The following TMEM132D variants were observed in gnomAD, a reference collection of about 807,000 sequenced individuals.
TMEM132D encodes mature OL transmembrane protein.
A neutral mutation model predicts 62.3 loss-of-function variants in TMEM132D; 21 were observed. The observed-to-expected ratio is 0.34, with a 90% CI of 0.24 to 0.49. The LOEUF (loss-of-function observed/expected upper bound fraction) is 0.49, where lower values mean the gene tolerates loss of function less well. Ranked by LOEUF, TMEM132D falls within the 20% of genes least tolerant of loss-of-function variation. The pLI, the probability that TMEM132D is intolerant of heterozygous loss-of-function variation, is 0.99. For missense variants in TMEM132D, 1,346 were observed against 1,402.8 expected, an observed-to-expected ratio of 0.96 and a Z score of 0.65; for synonymous variants, 621 against 575.6, an observed-to-expected ratio of 1.08 and a Z score of -1.13.
rs532053145 is a variant in TMEM132D, at chr12:129,458,278, C to A, written c.1115+72781G>T. On this transcript the variant is annotated intron_variant, in intron 3 of 8. Coordinates refer to ENST00000422113, the MANE Select transcript of TMEM132D (RefSeq NM_133448.3). Reference sequence around the variant, plus strand: ...AAAAGGAGCAAAAGTCTCAGCTGGGCTACTAATCTTTGGGTGTAAGTCCTC... The same window carrying A: ...AAAAGGAGCAAAAGTCTCAGCTGGGATACTAATCTTTGGGTGTAAGTCCTC... Among the ~76,000 whole-genome samples the A allele has an allele frequency of 2.7e-4, 41 of 152,268 alleles. 1 individual carries two copies. Among genetic ancestry groups the A allele is most frequent in the African/African-American group, 9.6e-4 (40 of 41,562 alleles).
At chr12:129,853,276 G>C (rs908097411) in intron 1 of TMEM132D, 1 of 152,240 alleles carries the variant, frequency 6.6e-6, no homozygotes, top group African/African-American at 2.4e-5. Flanking sequence ...TCTAGATGAG[G>C]AGAATGGTTT....
chr12:129,642,132 C>T (rs12319987), intron 2 of TMEM132D, among the ~76,000 whole-genome samples: 2 of 152,026 alleles, frequency 1.3e-5, no homozygotes, highest in Non-Finnish European at 2.9e-5. Flanking sequence ...GGAAGTCTAA[C>T]GGAAGGGGCC....
intron 3 of TMEM132D, among the ~76,000 whole-genome samples, chr12:129,338,466 C>T (rs1869362876): frequency 6.6e-6 from 1 of 152,106 alleles, no homozygotes; most frequent in Non-Finnish European, 1.5e-5. Context: ...ACAAATCCAC[C>T]TAGGACTTTC....
intron 1 of TMEM132D, among the ~76,000 whole-genome samples, chr12:129,746,467 C>G (rs181281369): frequency 1.3e-3 from 204 of 152,216 alleles, no homozygotes; most frequent in Middle Eastern, 3.4e-3. Context: ...AGGATATCAT[C>G]AGATTTAAAA....
intron 4 of TMEM132D, chr12:129,211,817 T>C (rs1256739614): frequency 6.6e-6 from 1 of 152,204 alleles, no homozygotes; most frequent in Non-Finnish European, 1.5e-5. Flanking sequence ...TTTACTTTAA[T>C]TCGAATAAAA....
chr12:129,393,466 C>G (rs1233803192), intron 3 of TMEM132D, among the ~76,000 whole-genome samples: 1 of 152,118 alleles, frequency 6.6e-6, no homozygotes, highest in Non-Finnish European at 1.5e-5. Flanking sequence ...AAGGTGGTGG[C>G]TGAGAGTGCG....
At chr12:129,720,964 G>T (rs954306692) in intron 1 of TMEM132D, among the ~76,000 whole-genome samples, 1 of 152,238 alleles carries the variant, frequency 6.6e-6, no homozygotes, top group African/African-American at 2.4e-5. Context: ...CTGACAGCCA[G>T]GTCATGGCTT....
At chr12:129,599,011 G>T (rs899127986) in intron 2 of TMEM132D, among the ~76,000 whole-genome samples, 6 of 152,168 alleles carry the variant, frequency 3.9e-5, no homozygotes, top group Non-Finnish European at 7.3e-5. Flanking sequence ...GAAGGAGTTT[G>T]GAGAGAATCT....
chr12:129,832,026 T>G (rs1016376982), intron 1 of TMEM132D, among the ~76,000 whole-genome samples: 2 of 134,394 alleles, frequency 1.5e-5, no homozygotes, highest in African/African-American at 5.4e-5. Context: ...CCTGCCACCA[T>G]GCCCGGCTCT....
intron 1 of TMEM132D, among the ~76,000 whole-genome samples, chr12:129,766,939 T>C (rs1870572810): frequency 6.6e-6 from 1 of 152,170 alleles, no homozygotes; most frequent in Non-Finnish European, 1.5e-5. Context: ...TTCCAGCTAA[T>C]ACAGATTAGC....
At chr12:129,265,097 A>G (rs1326877871) in intron 4 of TMEM132D, among the ~76,000 whole-genome samples, 2 of 152,312 alleles carry the variant, frequency 1.3e-5, no homozygotes, top group African/African-American at 4.8e-5. Context: ...CTTTTCTTTC[A>G]TAATGGTTCC....
At chr12:129,437,416 T>A (rs900510086) in intron 3 of TMEM132D, among the ~76,000 whole-genome samples, 3 of 152,212 alleles carry the variant, frequency 2.0e-5, no homozygotes, top group Admixed American at 6.5e-5. Flanking sequence ...TATAACAGCC[T>A]ATTTAAGCAC....
chr12:129,677,100 T>C (rs1403617986), intron 2 of TMEM132D, among the ~76,000 whole-genome samples: 2 of 152,222 alleles, frequency 1.3e-5, no homozygotes, highest in Non-Finnish European at 1.5e-5. Flanking sequence ...CTTCTGGCAT[T>C]GAATGACAGT....
chr12:129,398,837 TCCA>T (rs541193726), intron 3 of TMEM132D, among the ~76,000 whole-genome samples: 53,589 of 122,336 alleles, frequency 0.44, 10,346 homozygotes, highest in Non-Finnish European at 0.46. Context: ...TATGTATTCA[TCCA>T]TCCATCCATC....
At chr12:129,434,116 T>G (rs1344071638) in intron 3 of TMEM132D, among the ~76,000 whole-genome samples, 2 of 152,118 alleles carry the variant, frequency 1.3e-5, no homozygotes, top group East Asian at 3.9e-4. Flanking sequence ...TAGATCTCGT[T>G]TATAACAGAG....
intron 3 of TMEM132D, among the ~76,000 whole-genome samples, chr12:129,407,458 A>G (rs1356805912): frequency 6.6e-6 from 1 of 152,218 alleles, no homozygotes; most frequent in East Asian, 1.9e-4. Flanking sequence ...TATTTATTTT[A>G]TCAGAACTAA....
At position 129,073,968 on chromosome 12, in the gene TMEM132D, G is replaced by T. The variant is rs771686981; in HGVS notation, c.3207C>A (p.Ser1069Arg). 12 of 1,613,116 alleles carry T rather than the reference G, an allele frequency of 7.4e-6. No homozygotes were observed. The highest frequency in any genetic ancestry group is 1.0e-5 in the Non-Finnish European group (12 of 1,179,558). The change falls in exon 9 of 9, where the codon AGC (serine) becomes AGA (arginine). Residue 1069 changes from serine to arginine, a missense_variant. Ser to Arg is a moderately radical substitution (Grantham distance 110, BLOSUM62 -1). Coordinates refer to ENST00000422113, the MANE Select transcript of TMEM132D (RefSeq NM_133448.3). ...YPTRNSIVMS[S>R]EDDIKWVCQD... is the part of the protein sequence containing the mutation. ...GGCAGACCCACTTAATGTCATCCTCGCTACTCATCACGATGGAGTTCCTGG... is the reference window on the plus strand; with the variant it reads ...GGCAGACCCACTTAATGTCATCCTCTCTACTCATCACGATGGAGTTCCTGG...
At chr12:129,758,421 C>G (rs1207103113) in intron 1 of TMEM132D, among the ~76,000 whole-genome samples, 2 of 152,148 alleles carry the variant, frequency 1.3e-5, no homozygotes, top group Non-Finnish European at 2.9e-5. Context: ...TCTCACAATT[C>G]CTCCTTAATA....
chr12:129,079,679 C>G (rs528331665), intron 7 of TMEM132D, among the ~76,000 whole-genome samples: 1 of 152,172 alleles, frequency 6.6e-6, no homozygotes, highest in South Asian at 2.1e-4. Flanking sequence ...TTCCCAGGAC[C>G]CTTTGAGACC....
Sources: allele counts gnomAD v4.1 joint callset (sites outside exome capture counted in the v4.1 genomes callset), GRCh38; gene constraint gnomAD v4.1.1; transcripts MANE v1.5; gene names NCBI Gene and HGNC (gene_info 2026-07-23, HGNC 2026-07-21).